FBXO17: variants seen among roughly 807,000 people sequenced by gnomAD.
FBXO17 encodes F-box only protein 17.
A neutral mutation model predicts 34.1 loss-of-function variants in FBXO17; 43 were observed. The ratio of observed to expected loss-of-function variants is 1.26; its 90% confidence interval spans 0.99 to 1.62. The LOEUF (loss-of-function observed/expected upper bound fraction) is 1.62, where lower values mean the gene tolerates loss of function less well. FBXO17 is among the 40% of genes most tolerant of loss of function. The pLI, the probability that FBXO17 is intolerant of heterozygous loss-of-function variation, is 0.00. For synonymous variants in FBXO17, 169 were observed against 166.0 expected, an observed-to-expected ratio of 1.02 and a Z score of -0.14; for missense variants, 424 against 386.7, an observed-to-expected ratio of 1.10 and a Z score of -0.81.
intron 2 of FBXO17, among the ~76,000 whole-genome samples, chr19:38,949,613 G>T (rs115423909): frequency 0.014 from 2,084 of 151,336 alleles, 56 homozygotes; most frequent in African/African-American, 0.048. Flanking sequence ...CTGCAGCCTT[G>T]AACTCCTTGG....
chr19:38,966,007 G>A (rs1356258375), intron 1 of FBXO17, among the ~76,000 whole-genome samples: 1 of 151,892 alleles, frequency 6.6e-6, no homozygotes, highest in East Asian at 1.9e-4. Context: ...GTCTTACTCT[G>A]TCACCCAGGC....
At chr19:38,947,925 AATT>A (rs1975009961) in intron 3 of FBXO17, among the ~76,000 whole-genome samples, 1 of 151,184 alleles carries the variant, frequency 6.6e-6, no homozygotes, top group Non-Finnish European at 1.5e-5. Flanking sequence ...TTGTTGCCAG[AATT>A]ATATGTAAAG....
chr19:38,944,126 A>G (rs960958824), intron 5 of FBXO17, among the ~76,000 whole-genome samples: 1 of 152,078 alleles, frequency 6.6e-6, no homozygotes, highest in African/African-American at 2.4e-5. Flanking sequence ...TTTCAGCATC[A>G]TGTTTTCAGT....
chr19:38,973,841 G>A (rs796615510), intron 1 of FBXO17, among the ~76,000 whole-genome samples: 1 of 151,136 alleles, frequency 6.6e-6, no homozygotes, highest in Non-Finnish European at 1.5e-5. Context: ...AGTGGGGTTT[G>A]GTGGGGGGGC....
Position 38,950,206 on chromosome 19 carries a change from C to T in FBXO17, c.114G>A (p.Leu38=). Residue 38 remains leucine (L), a synonymous_variant, in exon 2 of 6, where the codon TTG becomes TTA. Transcript: ENST00000292852. ...QVLSHVPPRS[L]VTRCRPVCRA... ...GGCACACTGGGCGGCATCGCGTGACCAAGGAGCGTGGCGGCACGTGGCTCA... is the reference window on the plus strand; with the variant it reads ...GGCACACTGGGCGGCATCGCGTGACTAAGGAGCGTGGCGGCACGTGGCTCA... 2 of 1,550,876 alleles carry T rather than the reference C, an allele frequency of 1.3e-6. No homozygotes were observed. The highest frequency in any genetic ancestry group is 1.2e-5 in the South Asian group (1 of 84,668).
At chr19:38,969,540 A>G (rs556016686) in intron 1 of FBXO17, among the ~76,000 whole-genome samples, 18 of 150,786 alleles carry the variant, frequency 1.2e-4, no homozygotes, top group Non-Finnish European at 2.1e-4. Flanking sequence ...GAGAACTCCC[A>G]TACATTCCTG....
At chr19:38,954,884 C>A (rs11669212) in intron 1 of FBXO17, among the ~76,000 whole-genome samples, 1 of 145,900 alleles carries the variant, frequency 6.9e-6, no homozygotes, top group East Asian at 2.0e-4. Context: ...CCTGCCCTGA[C>A]AATGTGTTAT....
intron 5 of FBXO17, 54 bp from the exon 6 acceptor site, chr19:38,942,805 T>C: frequency 6.4e-7 from 1 of 1,568,882 alleles, no homozygotes; most frequent in Admixed American, 2.0e-5. Flanking sequence ...CTTCTCTTCC[T>C]CCACTTCAAC....
intron 5 of FBXO17, 30 bp downstream of exon 5, chr19:38,944,938 CG>C (rs766572151): frequency 4.3e-6 from 7 of 1,612,206 alleles, no homozygotes; most frequent in Non-Finnish European, 5.9e-6. Flanking sequence ...TTTAGCGGGT[CG>C]GGGGGAGCTG....
At chr19:38,957,078 C>G (rs1020714731) in intron 1 of FBXO17, among the ~76,000 whole-genome samples, 5 of 152,066 alleles carry the variant, frequency 3.3e-5, no homozygotes, top group Non-Finnish European at 5.9e-5. Context: ...AAAGACCAAG[C>G]TGTGCTTTTC....
At chr19:38,949,876 C>T (rs1975046597) in intron 2 of FBXO17, 95 bp downstream of exon 2, 1 of 1,369,658 alleles carries the variant, frequency 7.3e-7, no homozygotes, top group Non-Finnish European at 9.5e-7. Flanking sequence ...GCGGTCTCGC[C>T]CATTGGCTAC....
intron 1 of FBXO17, among the ~76,000 whole-genome samples, chr19:38,953,875 G>T (rs541655621): frequency 6.6e-6 from 1 of 152,044 alleles, no homozygotes; most frequent in Non-Finnish European, 1.5e-5. Flanking sequence ...GGGCAAGGGT[G>T]CAGGTAGGTG....
intron 5 of FBXO17, 33 bp downstream of exon 5, chr19:38,944,936 G>GT: frequency 1.9e-6 from 3 of 1,612,838 alleles, no homozygotes; most frequent in Non-Finnish European, 1.7e-6. Context: ...CCTTTAGCGG[G>GT]TCGGGGGGAG....
chr19:38,959,076 T>C (rs1253716011), intron 1 of FBXO17, among the ~76,000 whole-genome samples: 1 of 151,320 alleles, frequency 6.6e-6, no homozygotes, highest in African/African-American at 2.4e-5. Context: ...CTTCGTTTGT[T>C]TTATATTTTT....
At chr19:38,964,810 G>A (rs1279419867) in intron 1 of FBXO17, among the ~76,000 whole-genome samples, 2 of 151,968 alleles carry the variant, frequency 1.3e-5, no homozygotes, top group African/African-American at 2.4e-5. Context: ...CAGCCCCTGG[G>A]AAGTGTGGAT....
intron 1 of FBXO17, among the ~76,000 whole-genome samples, chr19:38,959,571 C>T (rs1158376656): frequency 6.6e-6 from 1 of 151,590 alleles, no homozygotes; most frequent in Non-Finnish European, 1.5e-5. Context: ...TTAGGCTGTG[C>T]AATTTGTGCA....
intron 1 of FBXO17, among the ~76,000 whole-genome samples, chr19:38,967,815 C>G (rs540814359): frequency 6.6e-6 from 1 of 152,238 alleles, no homozygotes; most frequent in East Asian, 1.9e-4. Context: ...ATCCTCCTTC[C>G]TTGACCTCTC....
intron 3 of FBXO17, chr19:38,947,178 C>T (rs1974997420): frequency 6.5e-6 from 1 of 153,376 alleles, no homozygotes; most frequent in African/African-American, 2.4e-5. Flanking sequence ...CTCAGGGGCT[C>T]CTGCCTACAA....
intron 1 of FBXO17, among the ~76,000 whole-genome samples, chr19:38,957,762 A>C (rs1975188711): frequency 6.6e-6 from 1 of 152,152 alleles, no homozygotes. Context: ...GATGTTCAAG[A>C]AATGTACTGA....
Sources: allele counts gnomAD v4.1 joint callset (sites outside exome capture counted in the v4.1 genomes callset), GRCh38; gene constraint gnomAD v4.1.1; transcripts MANE v1.5; gene names NCBI Gene and HGNC (gene_info 2026-07-23, HGNC 2026-07-21).